ARL15: variants seen among roughly 807,000 people sequenced by gnomAD.
ARL15 encodes ADP-ribosylation factor-like protein 15.
A neutral mutation model predicts 25.2 loss-of-function variants in ARL15; 19 were observed. That is an observed-to-expected ratio of 0.75 (90% CI 0.53 to 1.10). The LOEUF (loss-of-function observed/expected upper bound fraction) is 1.10. Ranked by LOEUF, ARL15 falls within the 50% of genes least tolerant of loss-of-function variation. ARL15 has a pLI of 0.00. For missense variants in ARL15, 220 were observed against 246.0 expected (o/e 0.89, Z 0.71); for synonymous variants, 94 against 86.8 (o/e 1.08, Z -0.46).
chr5:53,992,859 C>T (rs901567845), intron 4 of ARL15, among the ~76,000 whole-genome samples: 2 of 145,060 alleles, frequency 1.4e-5, no homozygotes, highest in Admixed American at 1.4e-4. Context: ...CCAGCCAGAC[C>T]AACATGGAGA....
intron 4 of ARL15, among the ~76,000 whole-genome samples, chr5:53,913,206 G>C (rs547495269): frequency 6.6e-6 from 1 of 152,214 alleles, no homozygotes; most frequent in Admixed American, 6.5e-5. Flanking sequence ...GGGAGGCTGA[G>C]GTGGGAGGAT....
At chr5:54,187,366 G>A (rs1755270914) in intron 1 of ARL15, among the ~76,000 whole-genome samples, 1 of 152,166 alleles carries the variant, frequency 6.6e-6, no homozygotes, top group Non-Finnish European at 1.5e-5. Flanking sequence ...AGTTCTTGTG[G>A]GATTTTCTCC....
rs746618758 is a variant in ARL15, at chr5:54,092,070, A to ACACACACACACACACACACAC, written c.462+21131_462+21132insGTGTGTGTGTGTGTGTGTGTG. Among the ~76,000 whole-genome samples the ACACACACACACACACACACAC allele has an allele frequency of 2.9e-3, 440 of 151,562 alleles. 2 individuals carry two copies. The highest frequency in any genetic ancestry group is 5.2e-3 in the South Asian group (25 of 4,772). ...AAAACACACACACACACACACACAC[A>ACACACACACACACACACACAC]CACCACCACCACCACCACCATCACC... is the stretch of plus-strand genomic sequence containing the variant. On this transcript the variant is annotated intron_variant, in intron 4 of 4. Coordinates refer to ENST00000504924, the MANE Select transcript of ARL15 (RefSeq NM_019087.3).
intron 4 of ARL15, among the ~76,000 whole-genome samples, chr5:54,091,807 G>A (rs1200912892): frequency 6.6e-6 from 1 of 151,924 alleles, no homozygotes; most frequent in African/African-American, 2.4e-5. Flanking sequence ...AATGGGCCCT[G>A]CTGGTCCCAG....
chr5:54,151,581 T>A (rs1273590073), intron 3 of ARL15, among the ~76,000 whole-genome samples: 1 of 152,002 alleles, frequency 6.6e-6, no homozygotes, highest in Non-Finnish European at 1.5e-5. Context: ...ATTTTAAGAA[T>A]TTTTCAGGAA....
At chr5:53,980,450 C>T (rs1748081994) in intron 4 of ARL15, among the ~76,000 whole-genome samples, 1 of 152,194 alleles carries the variant, frequency 6.6e-6, no homozygotes, top group African/African-American at 2.4e-5. Context: ...TAAGCCCTGA[C>T]TTTAGGCCCC....
At chr5:54,021,394 A>G (rs186962421) in intron 4 of ARL15, among the ~76,000 whole-genome samples, 1,528 of 152,318 alleles carry the variant, frequency 0.01, 18 homozygotes, top group South Asian at 0.033. Context: ...AGCATAAAAC[A>G]AAAGAAAAAA....
At chr5:54,163,356 C>CTT (rs869196680) in intron 2 of ARL15, among the ~76,000 whole-genome samples, 1 of 55,706 alleles carries the variant, frequency 1.8e-5, no homozygotes, top group Non-Finnish European at 3.5e-5. Context: ...TGGTATGAAG[C>CTT]TTTTTTTTTT....
intron 2 of ARL15, among the ~76,000 whole-genome samples, chr5:54,168,395 CCTA>C (rs991227087): frequency 6.1e-5 from 7 of 114,998 alleles, no homozygotes; most frequent in Non-Finnish European, 9.1e-5. Flanking sequence ...TCACATTCTC[CCTA>C]CTTTTTTTTT....
intron 4 of ARL15, among the ~76,000 whole-genome samples, chr5:54,052,370 A>T (rs1750728939): frequency 6.6e-6 from 1 of 152,196 alleles, no homozygotes; most frequent in African/African-American, 2.4e-5. Context: ...CATTGCATAC[A>T]ACAACTTCCC....
At chr5:54,187,216 C>T (rs1295995436) in intron 1 of ARL15, among the ~76,000 whole-genome samples, 2 of 152,160 alleles carry the variant, frequency 1.3e-5, no homozygotes, top group African/African-American at 2.4e-5. Flanking sequence ...GCTCCAACCC[C>T]GGGCATTGTG....
intron 1 of ARL15, among the ~76,000 whole-genome samples, chr5:54,213,715 T>C (rs974090669): frequency 1.3e-5 from 2 of 152,126 alleles, no homozygotes; most frequent in Admixed American, 6.5e-5. Context: ...GCAGAGATAA[T>C]AAAAATCTTC....
At chr5:54,267,148 G>T (rs1200357393) in intron 1 of ARL15, among the ~76,000 whole-genome samples, 2 of 152,192 alleles carry the variant, frequency 1.3e-5, no homozygotes, top group African/African-American at 2.4e-5. Flanking sequence ...CTGGAGGGCA[G>T]TGGCGGGATC....
At chr5:53,981,436 C>A (rs6883658) in intron 4 of ARL15, among the ~76,000 whole-genome samples, 10,224 of 152,186 alleles carry the variant, frequency 0.067, 438 homozygotes, top group Admixed American at 0.089. Flanking sequence ...GTGCCTGAGT[C>A]TTTCTGGGAG....
At chr5:54,064,584 AC>A (rs34808036) in intron 4 of ARL15, among the ~76,000 whole-genome samples, 2,309 of 152,334 alleles carry the variant, frequency 0.015, 20 homozygotes, top group Admixed American at 0.021. Flanking sequence ...TTTCCTGAAT[AC>A]TTCTCCCAAG....
At chr5:53,995,487 C>T (rs573522987) in intron 4 of ARL15, among the ~76,000 whole-genome samples, 2 of 152,058 alleles carry the variant, frequency 1.3e-5, no homozygotes, top group South Asian at 4.2e-4. Context: ...ATATTTGATG[C>T]CTCACTACTC....
chr5:54,097,226 A>C (rs564489549), intron 4 of ARL15, among the ~76,000 whole-genome samples: 18 of 152,284 alleles, frequency 1.2e-4, no homozygotes, highest in Non-Finnish European at 2.5e-4. Flanking sequence ...CTGAGGCAGG[A>C]GAATCGCTTG....
chr5:54,299,118 T>C (rs1055980648), intron 1 of ARL15, among the ~76,000 whole-genome samples: 19 of 152,074 alleles, frequency 1.2e-4, no homozygotes, highest in African/African-American at 4.6e-4. Context: ...CCCAGTCTAG[T>C]CTCAAACACC....
chr5:53,901,570 G>A (rs1745065023), intron 4 of ARL15, among the ~76,000 whole-genome samples: 1 of 150,042 alleles, frequency 6.7e-6, no homozygotes. Context: ...TTGTTTAAAT[G>A]GCTTGCTTAA....
Sources: gnomAD v4.1 joint callset for allele counts (sites outside exome capture counted in the v4.1 genomes callset) on GRCh38, gnomAD v4.1.1 for gene constraint, MANE v1.5 for transcripts, NCBI Gene and HGNC (gene_info 2026-07-23, HGNC 2026-07-21) for gene names.